Variants in ADGB observed in about 807,000 individuals in gnomAD.
The protein encoded by ADGB is androglobin.
Under a neutral mutation model 210.5 loss-of-function variants are expected in ADGB, and 172 were observed. The ratio of observed to expected loss-of-function variants is 0.82; its 90% CI spans 0.72 to 0.93. ADGB has a LOEUF of 0.93. Ranked by LOEUF, ADGB falls within the 40% of genes least tolerant of loss-of-function variation. The pLI, the probability that ADGB is intolerant of heterozygous loss-of-function variation, is 0.00. For synonymous variants in ADGB, 658 were observed against 662.7 expected (o/e 0.99, Z 0.11); for missense variants, 2,025 against 1,964.8 (o/e 1.03, Z -0.58).
At chr6:146,691,329 T>A in intron 11 of ADGB, 39 bp downstream of exon 11, 1 of 1,458,658 alleles carries the variant, frequency 6.9e-7, no homozygotes, top group South Asian at 1.4e-5. Context: ...CTAATTAATG[T>A]ATGAAAGTCT....
At position 146,752,700 on chromosome 6, in the gene ADGB, G is replaced by A. The variant is rs1777341920; in HGVS notation, c.3536G>A (p.Gly1179Asp). ...TTTCACTTCTTGAAGAGTGAGAAAG[G>A]TTTGAGCTCCCAGTGTAAGTGTACC... is the stretch of plus-strand genomic sequence containing the variant. ...PAFHFLKSEK[G>D]LSSQSSKHIL... The change falls in exon 27 of 36, where the codon GGT becomes GAT. Residue 1179 changes from glycine to aspartate, a missense_variant. Transcript: ENST00000397944. The A allele has an allele frequency of 3.2e-6, 5 of 1,549,442 alleles. No individual in the cohort carries two copies. The highest frequency in any genetic ancestry group is 4.4e-6 in the Non-Finnish European group (5 of 1,145,848).
rs142633974 is a variant in ADGB at position 146,643,293 on chromosome 6, A to C, written c.238-1480A>C. On this transcript the variant is annotated intron_variant, in intron 2 of 35. Coordinates refer to ENST00000397944, the MANE Select transcript of ADGB (RefSeq NM_024694.4). ...TTCAAACTGTACACAATGCCCTCAA[A>C]TATAACCTGTTTCTCAGGCCACACC... Among the ~76,000 whole-genome samples the C allele has an allele frequency of 1.2e-4, 18 of 152,002 alleles. No homozygotes were observed. The East Asian group carries it at 3.3e-3, about 28-fold the overall frequency.
At chr6:146,738,967 A>C (rs1370310441) in intron 23 of ADGB, among the ~76,000 whole-genome samples, 2 of 152,156 alleles carry the variant, frequency 1.3e-5, no homozygotes, top group African/African-American at 4.8e-5. Flanking sequence ...ACTAAATTGA[A>C]ACTAATTCTT....
At chr6:146,616,172 T>C (rs1484526527) in intron 1 of ADGB, among the ~76,000 whole-genome samples, 1 of 152,160 alleles carries the variant, frequency 6.6e-6, no homozygotes, top group African/African-American at 2.4e-5. Context: ...ATTAATGATG[T>C]TGAATATTTT....
At chr6:146,606,412 A>G (rs1317425613) in intron 1 of ADGB, among the ~76,000 whole-genome samples, 3 of 152,156 alleles carry the variant, frequency 2.0e-5, no homozygotes, top group African/African-American at 7.2e-5. Flanking sequence ...AATTCCCACT[A>G]GTCAATTTTT....
At chr6:146,705,179 A>C (rs1288167879) in intron 13 of ADGB, among the ~76,000 whole-genome samples, 1 of 152,128 alleles carries the variant, frequency 6.6e-6, no homozygotes, top group Non-Finnish European at 1.5e-5. Context: ...TAGATCTAAC[A>C]GGATTTTTAA....
chr6:146,764,169 C>T lies in ADGB; in HGVS notation c.3750+69C>T, dbSNP rs191647758. On this transcript the variant is annotated intron_variant, in intron 28 of 35. Coordinates refer to ENST00000397944, the MANE Select transcript of ADGB (RefSeq NM_024694.4). The stretch of plus-strand genomic sequence containing the variant: ...TAACATAAAACAAAACAATCATTTC[C>T]CTAAAAATAGTCAATATACAGTGTG... The T allele has an allele frequency of 1.8e-4, 243 of 1,358,048 alleles. 1 individual carries two copies. Among genetic ancestry groups the T allele is most frequent in the Admixed American group, 3.3e-4 (13 of 38,912 alleles). 84.1% of individuals were successfully genotyped at this position (1,358,048 alleles called of 1,614,324 possible). A position where few individuals can be genotyped will look rare whatever the true frequency, so the allele number is the denominator to read the frequency against.
chr6:146,771,437 T>G (rs1397194751), intron 29 of ADGB, among the ~76,000 whole-genome samples: 3 of 152,146 alleles, frequency 2.0e-5, no homozygotes, highest in African/African-American at 7.2e-5. Context: ...CATATTCTCT[T>G]TCTCTATATG....
intron 1 of ADGB, among the ~76,000 whole-genome samples, chr6:146,624,167 T>C (rs779226792): frequency 4.0e-5 from 6 of 151,852 alleles, no homozygotes; most frequent in South Asian, 2.1e-4. Context: ...TCCTTAAATA[T>C]TTAGTATACT....
chr6:146,609,606 C>T (rs1780677997), intron 1 of ADGB, among the ~76,000 whole-genome samples: 1 of 152,148 alleles, frequency 6.6e-6, no homozygotes, highest in South Asian at 2.1e-4. Flanking sequence ...CCATATTTAG[C>T]ACTCCCTTAA....
intron 23 of ADGB, among the ~76,000 whole-genome samples, chr6:146,737,854 A>C (rs139066242): frequency 1.1e-4 from 17 of 152,332 alleles, no homozygotes; most frequent in Admixed American, 1.0e-3. Flanking sequence ...TGATCTTTCC[A>C]CTACAGCCAA....
At chr6:146,758,604 A>C (rs1777443221) in intron 27 of ADGB, among the ~76,000 whole-genome samples, 1 of 152,074 alleles carries the variant, frequency 6.6e-6, no homozygotes, top group Non-Finnish European at 1.5e-5. Flanking sequence ...ACTGGGTCAG[A>C]GATCAGAAAT....
intron 20 of ADGB, among the ~76,000 whole-genome samples, chr6:146,731,969 T>C (rs555688243): frequency 1.1e-3 from 164 of 152,286 alleles, no homozygotes; most frequent in Non-Finnish European, 1.9e-3. Context: ...GTTTTAACTA[T>C]GCAGATACAG....
chr6:146,804,132 A>G (rs1778175270), intron 35 of ADGB, among the ~76,000 whole-genome samples: 1 of 152,184 alleles, frequency 6.6e-6, no homozygotes, highest in South Asian at 2.1e-4. Flanking sequence ...TGAAAAAAGG[A>G]TTTCTAAATT....
chr6:146,705,098 A>G (rs575065236), intron 13 of ADGB, among the ~76,000 whole-genome samples: 9 of 152,042 alleles, frequency 5.9e-5, no homozygotes, highest in African/African-American at 1.9e-4. Context: ...AAATGGAATT[A>G]TTTTACTGAT....
chr6:146,602,278 T>C (rs1315278546), intron 1 of ADGB, among the ~76,000 whole-genome samples: 1 of 152,188 alleles, frequency 6.6e-6, no homozygotes. Context: ...TACCCCAGCA[T>C]GTCCTGTTCT....
At chr6:146,635,269 A>T in intron 1 of ADGB, 106 bp from the exon 2 acceptor site, 2 of 998,154 alleles carry the variant, frequency 2.0e-6, no homozygotes, top group Non-Finnish European at 2.7e-6. Context: ...AAATGTAGTT[A>T]GTATGACTCA....
chr6:146,788,855 T>C (rs905059910), intron 33 of ADGB, among the ~76,000 whole-genome samples: 1 of 152,156 alleles, frequency 6.6e-6, no homozygotes, highest in African/African-American at 2.4e-5. Context: ...ATTTTTTCTG[T>C]GTATAGGTTT....
At chr6:146,672,042 G>A (rs1005532648) in intron 7 of ADGB, among the ~76,000 whole-genome samples, 178 bp from the exon 8 acceptor site, 8 of 152,092 alleles carry the variant, frequency 5.3e-5, no homozygotes, top group South Asian at 2.1e-4. Context: ...CAGTAGGCAC[G>A]CAATGAAAGC....
Sources: allele counts gnomAD v4.1 joint callset (sites outside exome capture counted in the v4.1 genomes callset), GRCh38; gene constraint gnomAD v4.1.1; transcripts MANE v1.5; gene names NCBI Gene and HGNC (gene_info 2026-07-23, HGNC 2026-07-21).